Variants in KMT2C observed in about 807,000 individuals in gnomAD.
KMT2C encodes histone-lysine N-methyltransferase 2C.
Under a neutral mutation model 507.9 loss-of-function variants are expected in KMT2C, and 88 were observed. The observed-to-expected ratio is 0.17, with a 90% CI of 0.15 to 0.21. KMT2C has a LOEUF of 0.21. KMT2C is among the 10% of genes least tolerant of loss of function. The probability of loss-of-function intolerance (pLI) is 1.00; values close to 1 mark genes in which losing one functional copy is unlikely to be tolerated. For synonymous variants in KMT2C, 2,049 were observed against 2,080.8 expected, an observed-to-expected ratio of 0.98 and a Z score of 0.42; for missense variants, 4,954 against 5,957.8, an observed-to-expected ratio of 0.83 and a Z score of 5.55.
chr7:152,381,040 C>T (rs2129249710), intron 1 of KMT2C, among the ~76,000 whole-genome samples: 1 of 152,364 alleles, frequency 6.6e-6, no homozygotes, highest in East Asian at 1.9e-4. Flanking sequence ...TTTAATAATC[C>T]AGATTGGGAA....
intron 43 of KMT2C, among the ~76,000 whole-genome samples, chr7:152,160,154 C>T (rs780612739): frequency 3.9e-5 from 6 of 152,196 alleles, no homozygotes; most frequent in Non-Finnish European, 8.8e-5. Context: ...CAAAATACTA[C>T]TCTTCCTTAG....
chr7:152,235,216 T>C (rs200322348), intron 16 of KMT2C, among the ~76,000 whole-genome samples: 2 of 151,194 alleles, frequency 1.3e-5, no homozygotes, highest in South Asian at 2.1e-4. Flanking sequence ...TGTATATATA[T>C]ATATATATCA....
chr7:152,190,857 T>C (rs1441137851), intron 31 of KMT2C, among the ~76,000 whole-genome samples: 2 of 152,206 alleles, frequency 1.3e-5, no homozygotes, highest in African/African-American at 2.4e-5. Context: ...AACCTTCCCA[T>C]GGTCCAATGA....
At position 152,176,786 on chromosome 7, in the gene KMT2C, G is replaced by T. The variant is rs376830590; in HGVS notation, c.8667C>A (p.Pro2889=). 1.9e-5 allele frequency: 31 copies of T among 1,614,024 alleles called. No individual in the cohort carries two copies. The highest frequency in any genetic ancestry group is 2.5e-5 in the Non-Finnish European group (30 of 1,180,024). Residue 2889 remains proline (P), a synonymous_variant, in exon 38 of 59, where the codon CCC becomes CCA. Coordinates refer to ENST00000262189, the MANE Select transcript of KMT2C (RefSeq NM_170606.3). The part of the protein sequence containing the change: ...EKRTNRETAG[P]SANVIQASTQ... ...TGGATGCCTGAATGACATTTGCACTGGGGCCAGCAGTTTCTCGATTGGTTC... is the reference window on the plus strand; with the variant it reads ...TGGATGCCTGAATGACATTTGCACTTGGGCCAGCAGTTTCTCGATTGGTTC...
At chr7:152,383,216 T>A (rs2097390101) in intron 1 of KMT2C, among the ~76,000 whole-genome samples, 1 of 152,272 alleles carries the variant, frequency 6.6e-6, no homozygotes, top group South Asian at 2.1e-4. Context: ...GGCAAAATAT[T>A]TTTATTTTCT....
At chr7:152,251,802 A>C in intron 11 of KMT2C, 137 bp downstream of exon 11, 1 of 505,914 alleles carries the variant, frequency 2.0e-6, no homozygotes, top group Non-Finnish European at 3.3e-6. Flanking sequence ...AAATACATTT[A>C]AAGGTTGAGA....
intron 26 of KMT2C, among the ~76,000 whole-genome samples, chr7:152,200,685 A>G (rs1349025207): frequency 1.3e-5 from 2 of 152,188 alleles, no homozygotes; most frequent in Non-Finnish European, 2.9e-5. Context: ...AGCTGAGATC[A>G]CATCACTGCA....
intron 1 of KMT2C, among the ~76,000 whole-genome samples, chr7:152,384,727 T>G (rs961615398): frequency 4.1e-5 from 6 of 146,792 alleles, no homozygotes; most frequent in African/African-American, 1.5e-4. Flanking sequence ...TTTTAAAAAT[T>G]TATTAATCAC....
intron 1 of KMT2C, among the ~76,000 whole-genome samples, chr7:152,360,084 GGA>G (rs1554676044): frequency 8.6e-5 from 6 of 69,938 alleles, no homozygotes; most frequent in African/African-American, 3.8e-4. Context: ...GGGGGGGGGG[GGA>G]CAATATGAAA....
At chr7:152,155,094 A>G (rs1487683848) in intron 46 of KMT2C, 1 of 152,210 alleles carries the variant, frequency 6.6e-6, no homozygotes, top group Non-Finnish European at 1.5e-5. Context: ...GTCTCAGACT[A>G]AGTTCCACAA....
At chr7:152,381,961 C>T (rs1336445309) in intron 1 of KMT2C, among the ~76,000 whole-genome samples, 2 of 152,132 alleles carry the variant, frequency 1.3e-5, no homozygotes, top group Admixed American at 1.3e-4. Flanking sequence ...TGTCTCCTTC[C>T]CTCCCAAGCT....
intron 1 of KMT2C, among the ~76,000 whole-genome samples, chr7:152,364,882 C>G (rs1199233743): frequency 6.6e-6 from 1 of 150,792 alleles, no homozygotes; most frequent in East Asian, 2.0e-4. Context: ...ATTTTAAAAG[C>G]TGTATTATTA....
intron 25 of KMT2C, among the ~76,000 whole-genome samples, chr7:152,203,342 A>G (rs2094202427): frequency 6.6e-6 from 1 of 151,814 alleles, no homozygotes; most frequent in African/African-American, 2.4e-5. Context: ...TAAAATAATA[A>G]TAATAATAAT....
At chr7:152,433,718 G>A (rs887445484) in intron 1 of KMT2C, among the ~76,000 whole-genome samples, 2 of 152,192 alleles carry the variant, frequency 1.3e-5, no homozygotes, top group Admixed American at 6.5e-5. Context: ...CTTCTCCAAA[G>A]GCTGCCTATT....
At chr7:152,281,959 T>C (rs1288557946) in intron 6 of KMT2C, among the ~76,000 whole-genome samples, 6 of 152,034 alleles carry the variant, frequency 3.9e-5, no homozygotes, top group African/African-American at 1.2e-4. Flanking sequence ...ACTAAGTACT[T>C]TGTCTTGTTT....
At chr7:152,324,434 A>G (rs1216826896) in intron 3 of KMT2C, among the ~76,000 whole-genome samples, 1 of 151,900 alleles carries the variant, frequency 6.6e-6, no homozygotes, top group Non-Finnish European at 1.5e-5. Context: ...TCATAAATGT[A>G]CAATTAGGAT....
At chr7:152,161,209 G>A (rs147810719) in intron 43 of KMT2C, among the ~76,000 whole-genome samples, 1 of 152,042 alleles carries the variant, frequency 6.6e-6, no homozygotes, top group Non-Finnish European at 1.5e-5. Context: ...AATCTATCAA[G>A]TCAACACTCA....
Position 152,139,273 on chromosome 7 carries a change from C to A in KMT2C, c.14461-14G>T. The A allele has an allele frequency of 6.2e-7, 1 of 1,612,168 alleles. No individual in the cohort carries two copies. Among genetic ancestry groups the A allele is most frequent in the Middle Eastern group, 1.6e-4 (1 of 6,062 alleles). On this transcript the variant is annotated splice_polypyrimidine_tract_variant and intron_variant, in intron 56 of 58. Coordinates refer to ENST00000262189, the MANE Select transcript of KMT2C (RefSeq NM_170606.3). ...CACACCACGGTTCTGAGGGAAAAGT[C>A]AGTCAGTAAGTCATCAATGTCGACC...
chr7:152,176,047 C>T (rs1039382072), intron 38 of KMT2C, 144 bp downstream of exon 38: 24 of 928,704 alleles, frequency 2.6e-5, no homozygotes, highest in South Asian at 1.6e-4. Flanking sequence ...CGTCTCAAAA[C>T]AAAACAAACA....
Sources: gnomAD v4.1 joint callset for allele counts (sites outside exome capture counted in the v4.1 genomes callset) on GRCh38, gnomAD v4.1.1 for gene constraint, MANE v1.5 for transcripts, NCBI Gene and HGNC (gene_info 2026-07-23, HGNC 2026-07-21) for gene names.